Variants in ATP2C2 observed in about 807,000 individuals in gnomAD.
ATP2C2 encodes the protein ATPase secretory pathway Ca2+ transporting 2.
A neutral mutation model predicts 110.8 loss-of-function variants in ATP2C2; 171 were observed. That is an observed-to-expected ratio of 1.54 (90% CI 1.36 to 1.75). ATP2C2 has a LOEUF of 1.75. Ranked by LOEUF, ATP2C2 falls within the 40% of genes most tolerant of loss-of-function variation. The pLI is 0.00. For missense variants in ATP2C2, 1,963 were observed against 1,235.0 expected (o/e 1.59, Z -8.84); for synonymous variants, 804 against 508.4 (o/e 1.58, Z -7.82).
intron 1 of ATP2C2, among the ~76,000 whole-genome samples, chr16:84,378,924 C>T (rs1053522849): frequency 2.0e-5 from 3 of 152,054 alleles, no homozygotes; most frequent in African/African-American, 7.2e-5. Flanking sequence ...CTTTTTCAGC[C>T]TCTACTCCAG....
rs117455078 is a variant in ATP2C2 at position 84,452,957 on chromosome 16, G to A, written c.1832-181G>A. Reference sequence around the variant, plus strand: ...TCCCCATCTTTAAAGTGGGGATAATGAGGCGTTTGGTGTAAGTTAATCCTG... The same window carrying A: ...TCCCCATCTTTAAAGTGGGGATAATAAGGCGTTTGGTGTAAGTTAATCCTG... On this transcript the variant is annotated intron_variant, in intron 18 of 26. Transcript: ENST00000262429. Among the ~76,000 whole-genome samples, 798 of 152,260 alleles carry A rather than the reference G, an allele frequency of 5.2e-3. 22 individuals carry two copies. Among genetic ancestry groups the A allele is most frequent in the Admixed American group, 0.042 (648 of 15,282 alleles).
chr16:84,459,749 C>A (rs1911087221), intron 23 of ATP2C2: 5 of 643,714 alleles, frequency 7.8e-6, no homozygotes, highest in South Asian at 5.6e-5. Flanking sequence ...TGTATTTTTC[C>A]CTAGAGAGGA....
intron 21 of ATP2C2, among the ~76,000 whole-genome samples, chr16:84,458,571 T>C (rs1038422566): frequency 2.6e-5 from 4 of 151,782 alleles, no homozygotes; most frequent in African/African-American, 9.7e-5. Context: ...TTTAGTAAAA[T>C]CTGGCGGTGG....
intron 16 of ATP2C2, among the ~76,000 whole-genome samples, chr16:84,447,710 TATTATA>T (rs1002100473): frequency 1.1e-4 from 15 of 141,444 alleles, no homozygotes; most frequent in African/African-American, 3.3e-4. Flanking sequence ...ATGTAATATA[TATTATA>T]ATTGTATAAG....
intron 20 of ATP2C2, among the ~76,000 whole-genome samples, chr16:84,453,620 G>C (rs1272568887): frequency 2.0e-5 from 3 of 152,130 alleles, no homozygotes; most frequent in Non-Finnish European, 4.4e-5. Context: ...CACTTGCGCT[G>C]ACAGCCCCTT....
intron 24 of ATP2C2, 73 bp from the exon 25 acceptor site, chr16:84,461,641 G>A: frequency 7.4e-7 from 1 of 1,352,628 alleles, no homozygotes; most frequent in Non-Finnish European, 1.1e-6. Context: ...AGTGAGGCAG[G>A]CCTGTGCCCT....
At chr16:84,436,127 T>G (rs1447427275) in intron 11 of ATP2C2, among the ~76,000 whole-genome samples, 1 of 152,248 alleles carries the variant, frequency 6.6e-6, no homozygotes, top group Non-Finnish European at 1.5e-5. Flanking sequence ...AGACTCCATC[T>G]CAAACAAACC....
chr16:84,458,756 G>A (rs1246165738), intron 21 of ATP2C2, among the ~76,000 whole-genome samples: 13 of 152,138 alleles, frequency 8.5e-5, no homozygotes, highest in Admixed American at 2.6e-4. Context: ...GTTTTGCTGC[G>A]TCTCTCTCTC....
intron 1 of ATP2C2, among the ~76,000 whole-genome samples, chr16:84,386,199 G>C (rs973898344): frequency 6.6e-6 from 1 of 152,102 alleles, no homozygotes; most frequent in Non-Finnish European, 1.5e-5. Context: ...GCAAGATCTG[G>C]TAGTATGTGT....
intron 21 of ATP2C2, among the ~76,000 whole-genome samples, chr16:84,455,590 TCTC>T (rs1377058540): frequency 1.3e-5 from 2 of 151,948 alleles, no homozygotes; most frequent in Non-Finnish European, 2.9e-5. Context: ...GTTCTGAGAC[TCTC>T]CTCATAAGCT....
chr16:84,447,211 G>A (rs952787909), intron 16 of ATP2C2, among the ~76,000 whole-genome samples: 2 of 152,106 alleles, frequency 1.3e-5, no homozygotes, highest in Non-Finnish European at 2.9e-5. Flanking sequence ...CTCCCACTCA[G>A]GGCTGTGGGC....
chr16:84,402,838 T>C (rs1044030460), intron 2 of ATP2C2, among the ~76,000 whole-genome samples: 1 of 152,214 alleles, frequency 6.6e-6, no homozygotes, highest in African/African-American at 2.4e-5. Context: ...CATCTGTTTT[T>C]TGGAATTATT....
intron 7 of ATP2C2, 125 bp from the exon 8 acceptor site, chr16:84,422,265 C>G: frequency 6.0e-6 from 7 of 1,166,924 alleles, no homozygotes; most frequent in African/African-American, 1.5e-5. Flanking sequence ...TTGTGACACT[C>G]ATTCTGTAGG....
In ATP2C2 at chr16:84,451,994, G is replaced by T. The variant is rs187525642; in HGVS notation, c.1734G>T (p.Pro578=). Reference sequence around the variant, plus strand: ...GTCTTGTGGGCATCATTGACCCCCCGAGAGTTGGCGTGAAGGAAGCAGTCC... The same window carrying T: ...GTCTTGTGGGCATCATTGACCCCCCTAGAGTTGGCGTGAAGGAAGCAGTCC... ...FLGLVGIIDP[P]RVGVKEAVQV... The change falls in exon 18 of 27, where the codon CCG becomes CCT. Residue 578 remains proline, a synonymous_variant. Transcript: ENST00000262429. 3 of 1,613,858 alleles carry T rather than the reference G, an allele frequency of 1.9e-6. No homozygotes were observed. The highest frequency in any genetic ancestry group is 3.3e-5 in the Admixed American group (2 of 59,996).
chr16:84,442,751 G>A, intron 15 of ATP2C2, 152 bp downstream of exon 15: 1 of 720,198 alleles, frequency 1.4e-6, no homozygotes, highest in South Asian at 1.6e-5. Flanking sequence ...CCATCTGTTG[G>A]TGGTGGAGGA....
At chr16:84,397,673 A>AAAAAAAAAAAAAG (rs1905079752) in intron 1 of ATP2C2, among the ~76,000 whole-genome samples, 1 of 140,404 alleles carries the variant, frequency 7.1e-6, no homozygotes, top group African/African-American at 2.7e-5. Flanking sequence ...AAAAAAAAAA[A>AAAAAAAAAAAAAG]CTTGCTTAAA....
Position 84,461,978 on chromosome 16 carries a change from C to G in ATP2C2, c.2581-10C>G, listed in dbSNP as rs761882098. 1 of 1,612,648 alleles carries G rather than the reference C, an allele frequency of 6.2e-7. No individual in the cohort carries two copies. Among genetic ancestry groups the G allele is most frequent in the Admixed American group, 1.7e-5 (1 of 59,964 alleles). On this transcript the variant is annotated splice_polypyrimidine_tract_variant and intron_variant, in intron 25 of 26. Transcript: ENST00000262429. ...AGCACACAATCCCCCGTGTGACCTT[C>G]TCCCTGCAGACCAAGCTGATATTTG...
chr16:84,463,508 C>G, intron 26 of ATP2C2, 106 bp from the exon 27 acceptor site: 1 of 930,996 alleles, frequency 1.1e-6, no homozygotes, highest in Non-Finnish European at 1.7e-6. Context: ...AGGGCTGGTC[C>G]TCCGCACCTC....
chr16:84,382,894 T>TAAA (rs1170344466), intron 1 of ATP2C2, among the ~76,000 whole-genome samples: 4 of 91,744 alleles, frequency 4.4e-5, no homozygotes, highest in East Asian at 6.1e-4. Flanking sequence ...AGACTCCATC[T>TAAA]AAAAAAAAAA....
Sources: gnomAD v4.1 joint callset for allele counts (sites outside exome capture counted in the v4.1 genomes callset) on GRCh38, gnomAD v4.1.1 for gene constraint, MANE v1.5 for transcripts, NCBI Gene and HGNC (gene_info 2026-07-23, HGNC 2026-07-21) for gene names.